The following DIAPH2 variants were observed in gnomAD, a reference collection of about 807,000 sequenced individuals.
The protein encoded by DIAPH2 is diaphanous related formin 2.
Under a neutral mutation model 92.7 loss-of-function variants are expected in DIAPH2, and 35 were observed. That is an observed-to-expected ratio of 0.38 (90% CI 0.29 to 0.50). DIAPH2 has a LOEUF of 0.50. DIAPH2 is among the 20% of genes least tolerant of loss of function. DIAPH2 has a pLI of 0.94. For missense variants in DIAPH2, 701 were observed against 819.5 expected, an observed-to-expected ratio of 0.86 and a Z score of 1.77; for synonymous variants, 301 against 280.4, an observed-to-expected ratio of 1.07 and a Z score of -0.73.
chrX:96,902,515 A>C (rs907600558), intron 5 of DIAPH2, among the ~76,000 whole-genome samples: 6 of 111,141 alleles, frequency 5.4e-5, no homozygotes, highest in Non-Finnish European at 1.1e-4. Context: ...GTTGGTCCTG[A>C]GAGAGGAGAT....
chrX:97,345,675 C>A (rs1178917323), intron 23 of DIAPH2, among the ~76,000 whole-genome samples: 1 of 112,015 alleles, frequency 8.9e-6, no homozygotes, highest in East Asian at 2.8e-4. Flanking sequence ...ATTACTTTTG[C>A]ATCTAGAGAA....
chrX:97,427,070 T>C (rs112259411), intron 25 of DIAPH2, among the ~76,000 whole-genome samples: 4 of 107,756 alleles, frequency 3.7e-5, no homozygotes, highest in African/African-American at 1.4e-4. Context: ...CCTAGCTACT[T>C]GGGAGGCTGA....
intron 26 of DIAPH2, among the ~76,000 whole-genome samples, chrX:97,500,859 C>A (rs945191190): frequency 2.0e-5 from 2 of 101,269 alleles, no homozygotes; most frequent in African/African-American, 7.2e-5. Flanking sequence ...CCTCCTTTGC[C>A]AGTTCTCCAA....
intron 4 of DIAPH2, chrX:96,793,753 C>T (rs967725941): frequency 1.1e-5 from 3 of 281,268 alleles, no homozygotes; most frequent in African/African-American, 5.6e-5. Flanking sequence ...AATACAATCA[C>T]ATTGCAGGTT....
chrX:97,532,871 T>A (rs1347233978), intron 26 of DIAPH2, among the ~76,000 whole-genome samples: 1 of 111,980 alleles, frequency 8.9e-6, no homozygotes, highest in Admixed American at 9.5e-5. Context: ...GAGTGGGCAA[T>A]CCCAGAGACT....
intron 4 of DIAPH2, among the ~76,000 whole-genome samples, chrX:96,788,620 G>A (rs182731633): frequency 1.2e-3 from 132 of 112,021 alleles, no homozygotes; most frequent in African/African-American, 4.2e-3. Context: ...AAATCGAAAT[G>A]TCCATGTGGA....
intron 26 of DIAPH2, among the ~76,000 whole-genome samples, chrX:97,497,530 G>A (rs1382869693): frequency 9.1e-6 from 1 of 109,695 alleles, no homozygotes; most frequent in Non-Finnish European, 1.9e-5. Flanking sequence ...CGGAGGCCAG[G>A]CACAGTGGCT....
intron 20 of DIAPH2, among the ~76,000 whole-genome samples, chrX:97,101,585 A>C (rs756590419): frequency 8.9e-6 from 1 of 111,830 alleles, no homozygotes; most frequent in East Asian, 2.8e-4. Flanking sequence ...AGATAGTATC[A>C]ATCAGGATTT....
At chrX:97,057,164 C>T (rs1176347956) in intron 17 of DIAPH2, among the ~76,000 whole-genome samples, 2 of 111,629 alleles carry the variant, frequency 1.8e-5, no homozygotes, top group African/African-American at 3.3e-5. Context: ...AGATGTGGAA[C>T]GTACAGGCAA....
chrX:97,119,880 C>T (rs1011774389), intron 21 of DIAPH2, among the ~76,000 whole-genome samples: 1 of 111,640 alleles, frequency 9.0e-6, no homozygotes, highest in Non-Finnish European at 1.9e-5. Context: ...AAGGGCTGGC[C>T]CCACTCCCAC....
intron 22 of DIAPH2, among the ~76,000 whole-genome samples, chrX:97,157,909 C>G (rs1462411221): frequency 2.7e-5 from 3 of 111,960 alleles, no homozygotes. Flanking sequence ...ATACGCCGAG[C>G]CTTACTCTGA....
chrX:96,916,554 C>A lies in DIAPH2; in HGVS notation c.849C>A (p.Cys283Ter), dbSNP rs20382. 1 of 1,199,869 alleles carries A rather than the reference C, an allele frequency of 8.3e-7. No homozygotes were observed. Among genetic ancestry groups the A allele is most frequent in the Admixed American group, 2.2e-5 (1 of 44,607 alleles). Reference sequence around the variant, plus strand: ...TAGTAAAAATACTTTCTGCTATTTGCATTGTTGGAGAAGAGAACATGTAAG... The same window carrying A: ...TAGTAAAAATACTTTCTGCTATTTGAATTGTTGGAGAAGAGAACATGTAAG... ...TEIVKILSAICIVGEENILDK... is the reference protein window; with the variant it reads ...TEIVKILSAI The change falls in exon 8 of 27, where the codon TGC becomes TGA. Residue 283 changes from cysteine to a stop codon, truncating the protein, a stop_gained. Coordinates refer to ENST00000324765, the MANE Select transcript of DIAPH2 (RefSeq NM_006729.5). LOFTEE classifies it high-confidence loss of function.
chrX:97,454,912 C>G (rs1258376721), intron 26 of DIAPH2, among the ~76,000 whole-genome samples: 4 of 110,171 alleles, frequency 3.6e-5, no homozygotes, highest in Admixed American at 9.6e-5. Flanking sequence ...GAGCATAGAA[C>G]AGTTTTGGTC....
chrX:97,319,683 G>A (rs1321771024), intron 23 of DIAPH2, among the ~76,000 whole-genome samples: 1 of 110,979 alleles, frequency 9.0e-6, no homozygotes, highest in East Asian at 2.9e-4. Flanking sequence ...ACCACGCCCG[G>A]CCAAAATTCC....
intron 26 of DIAPH2, among the ~76,000 whole-genome samples, chrX:97,482,190 G>A (rs910404440): frequency 3.6e-5 from 4 of 112,170 alleles, no homozygotes; most frequent in African/African-American, 1.3e-4. Context: ...GCTTAAACCA[G>A]TCTCTCTCTT....
At chrX:97,198,265 T>TACACACACACACACACACAC (rs200339851) in intron 22 of DIAPH2, among the ~76,000 whole-genome samples, 5 of 89,030 alleles carry the variant, frequency 5.6e-5, no homozygotes, top group African/African-American at 1.8e-4. Flanking sequence ...AACAACAAAA[T>TACACACACACACACACACAC]ACACACACAC....
At chrX:97,490,277 T>A (rs1196188579) in intron 26 of DIAPH2, among the ~76,000 whole-genome samples, 2 of 110,447 alleles carry the variant, frequency 1.8e-5, no homozygotes, top group African/African-American at 6.5e-5. Context: ...CTTTCATTTC[T>A]GATTTTGAAT....
At chrX:96,844,662 C>A (rs1602559508) in intron 4 of DIAPH2, among the ~76,000 whole-genome samples, 2 of 112,137 alleles carry the variant, frequency 1.8e-5, no homozygotes, top group East Asian at 5.6e-4. Context: ...CCAAACCCAT[C>A]GTAGTATATG....
chrX:96,744,980 T>C (rs2064141307), intron 3 of DIAPH2, among the ~76,000 whole-genome samples: 1 of 110,568 alleles, frequency 9.0e-6, no homozygotes, highest in African/African-American at 3.3e-5. Context: ...ATATGTATTT[T>C]AGGATAACAT....
Sources: allele counts gnomAD v4.1 joint callset (sites outside exome capture counted in the v4.1 genomes callset), GRCh38; gene constraint gnomAD v4.1.1; transcripts MANE v1.5; gene names NCBI Gene and HGNC (gene_info 2026-07-23, HGNC 2026-07-21).